The following TNFRSF11A variants were observed in gnomAD, a reference collection of about 807,000 sequenced individuals.
TNFRSF11A encodes tumor necrosis factor receptor superfamily member 11A.
In TNFRSF11A, 32 loss-of-function variants were observed where a neutral mutation model predicts 55.7. The observed-to-expected ratio is 0.57, with a 90% CI of 0.43 to 0.77. The LOEUF (loss-of-function observed/expected upper bound fraction) is 0.77. TNFRSF11A is among the 30% of genes least tolerant of loss of function. The pLI, the probability that TNFRSF11A is intolerant of heterozygous loss-of-function variation, is 0.00. For synonymous variants in TNFRSF11A, 311 were observed against 331.0 expected, an observed-to-expected ratio of 0.94 and a Z score of 0.65; for missense variants, 753 against 809.8, an observed-to-expected ratio of 0.93 and a Z score of 0.85.
At chr18:62,327,594 T>G (rs1049897835) in intron 1 of TNFRSF11A, among the ~76,000 whole-genome samples, 3 of 152,208 alleles carry the variant, frequency 2.0e-5, no homozygotes, top group Admixed American at 6.5e-5. Flanking sequence ...GCCTATTCCA[T>G]TAGCTCAAAA....
intron 4 of TNFRSF11A, among the ~76,000 whole-genome samples, chr18:62,355,676 A>G (rs1320230488): frequency 6.6e-6 from 1 of 152,250 alleles, no homozygotes; most frequent in Non-Finnish European, 1.5e-5. Context: ...ACAATTGGTC[A>G]CAAATGAATA....
At chr18:62,336,019 C>T (rs1218195779) in intron 1 of TNFRSF11A, among the ~76,000 whole-genome samples, 2 of 152,146 alleles carry the variant, frequency 1.3e-5, no homozygotes, top group South Asian at 2.1e-4. Context: ...GTGCCTGGCA[C>T]GTAGTAGATA....
chr18:62,351,298 C>T (rs1436622589), intron 3 of TNFRSF11A, among the ~76,000 whole-genome samples: 2 of 152,182 alleles, frequency 1.3e-5, no homozygotes, highest in Admixed American at 6.5e-5. Flanking sequence ...CCACAATGCC[C>T]GGCCTGACCC....
At chr18:62,346,474 G>A (rs2046385806) in intron 1 of TNFRSF11A, among the ~76,000 whole-genome samples, 1 of 152,200 alleles carries the variant, frequency 6.6e-6, no homozygotes. Context: ...TGGGCTCAAT[G>A]CAGCTTCCCT....
rs3826618 is a variant in TNFRSF11A at position 62,348,309 on chromosome 18, T to C, written c.157+60T>C. On this transcript the variant is annotated intron_variant, in intron 2 of 9. Transcript: ENST00000586569. ...TCAAAAGTGGGTGAGGCTTTCATTA[T>C]TTTTTCTGTCTGCCAGATGAAAAAA... 40,160 of 1,486,616 alleles carry C rather than the reference T, an allele frequency of 0.027. 3,237 individuals are homozygous for C. The highest frequency in any genetic ancestry group is 0.25 in the East Asian group (10,908 of 44,206). 92.1% of individuals were successfully genotyped at this position (1,486,616 alleles called of 1,614,324 possible). A position where few individuals can be genotyped will look rare whatever the true frequency, so the allele number is the denominator to read the frequency against.
intron 9 of TNFRSF11A, among the ~76,000 whole-genome samples, chr18:62,377,502 A>G (rs1910980686): frequency 6.6e-6 from 1 of 152,146 alleles, no homozygotes; most frequent in Admixed American, 6.5e-5. Flanking sequence ...TTGCATTCCC[A>G]CTAGCCAAGA....
Position 62,369,320 on chromosome 18 carries a change from C to G in TNFRSF11A, c.1403C>G (p.Pro468Arg). 6.2e-7 allele frequency: 1 copy of G among 1,610,318 alleles called. No homozygotes were observed. Among genetic ancestry groups the G allele is most frequent in the Non-Finnish European group, 8.5e-7 (1 of 1,178,272 alleles). ...EPLVGSPKRGPLPQCAYGMGL... is the reference protein window; with the variant it reads ...EPLVGSPKRGRLPQCAYGMGL... The stretch of plus-strand genomic sequence containing the variant: ...CTCGTGGGTTCCCCAAAACGTGGAC[C>G]CTTGCCCCAGTGCGCCTATGGCATG... Residue 468 changes from proline (P) to arginine (R), a missense_variant, in exon 9 of 10, where the codon CCC becomes CGC. Physicochemically the swap from Pro to Arg is moderately radical, Grantham distance 103. This residue lies in a region of TNFRSF11A where 567 missense variants were observed against 596.7 expected (regional missense o/e 0.95). Coordinates refer to ENST00000586569, the MANE Select transcript of TNFRSF11A (RefSeq NM_003839.4).
chr18:62,346,651 A>G (rs28521082), intron 1 of TNFRSF11A, among the ~76,000 whole-genome samples: 11,502 of 151,964 alleles, frequency 0.076, 574 homozygotes, highest in African/African-American at 0.13. Context: ...CCTCCTCATA[A>G]CCCCTTTGCT....
chr18:62,326,839 T>C (rs1469576245), intron 1 of TNFRSF11A, among the ~76,000 whole-genome samples: 1 of 152,228 alleles, frequency 6.6e-6, no homozygotes, highest in African/African-American at 2.4e-5. Flanking sequence ...GGAGCGAACC[T>C]TCTAGGAACC....
intron 3 of TNFRSF11A, among the ~76,000 whole-genome samples, chr18:62,351,034 G>C (rs1298728534): frequency 1.9e-5 from 2 of 107,298 alleles, no homozygotes; most frequent in African/African-American, 3.7e-5. Flanking sequence ...ATGGAGTCTT[G>C]CTCTGTCACC....
chr18:62,366,891 C>T (rs530702080), intron 8 of TNFRSF11A, 131 bp downstream of exon 8: 3 of 954,278 alleles, frequency 3.1e-6, no homozygotes, highest in Admixed American at 1.9e-5. Context: ...CTCTGTGCCT[C>T]AGGCTGGAGT....
chr18:62,345,111 C>G (rs2046364354), intron 1 of TNFRSF11A, among the ~76,000 whole-genome samples: 1 of 152,208 alleles, frequency 6.6e-6, no homozygotes, highest in African/African-American at 2.4e-5. Context: ...GGCTGCAGTG[C>G]ACAGCGCTCA....
At chr18:62,328,805 C>T (rs1003915381) in intron 1 of TNFRSF11A, among the ~76,000 whole-genome samples, 2 of 152,204 alleles carry the variant, frequency 1.3e-5, no homozygotes, top group East Asian at 3.8e-4. Flanking sequence ...ATTTCAAATG[C>T]CTCCCCTGTT....
intron 3 of TNFRSF11A, among the ~76,000 whole-genome samples, chr18:62,353,568 A>G (rs1262938052): frequency 2.0e-5 from 3 of 152,228 alleles, no homozygotes; most frequent in Non-Finnish European, 2.9e-5. Context: ...AGGACTGCAG[A>G]AGTACCAAGA....
At position 62,361,765 on chromosome 18, in the gene TNFRSF11A, C is replaced by CT; in HGVS notation, c.703dup (p.Tyr235LeufsTer2). 1 of 1,613,978 alleles carries CT rather than the reference C, an allele frequency of 6.2e-7. No homozygotes were observed. ...TGGCTGCCATCATCTTTGGCGTTTG[C>CT]TATAGGAAAAAAGGGAAAGCACTCA... On this transcript the variant is annotated frameshift_variant, in exon 7 of 10. Coordinates refer to ENST00000586569, the MANE Select transcript of TNFRSF11A (RefSeq NM_003839.4). LOFTEE classifies it high-confidence loss of function.
intron 5 of TNFRSF11A, among the ~76,000 whole-genome samples, chr18:62,359,106 C>T (rs962890625): frequency 3.3e-5 from 5 of 152,040 alleles, no homozygotes; most frequent in Non-Finnish European, 7.4e-5. Flanking sequence ...TTATTTTCTG[C>T]TGGGCATGGT....
intron 9 of TNFRSF11A, among the ~76,000 whole-genome samples, chr18:62,377,165 T>C (rs1330556951): frequency 6.6e-6 from 1 of 152,204 alleles, no homozygotes; most frequent in Non-Finnish European, 1.5e-5. Context: ...GTCGCCCGCC[T>C]CGGCCTCCCA....
Position 62,361,701 on chromosome 18 carries a change from G to T in TNFRSF11A, c.638G>T (p.Gly213Val), listed in dbSNP as rs1245171192. Reference protein sequence around the residue: ...PPNEPHVYLPGLIILLLFASV... With the variant: ...PPNEPHVYLPVLIILLLFASV... ...ACAGAACCCCATGTTTACTTGCCCGGTTTAATAATTCTGCTTCTCTTCGCG... is the reference window on the plus strand; with the variant it reads ...ACAGAACCCCATGTTTACTTGCCCGTTTTAATAATTCTGCTTCTCTTCGCG... The change falls in exon 7 of 10, where the codon GGT becomes GTT. Residue 213 changes from glycine (G) to valine (V), a missense_variant. Coordinates refer to ENST00000586569, the MANE Select transcript of TNFRSF11A (RefSeq NM_003839.4). 2.5e-6 allele frequency: 4 copies of T among 1,614,118 alleles called. No homozygotes were observed. The highest frequency in any genetic ancestry group is 1.7e-6 in the Non-Finnish European group (2 of 1,179,988).
intron 1 of TNFRSF11A, among the ~76,000 whole-genome samples, chr18:62,344,610 T>C (rs2046355862): frequency 6.6e-6 from 1 of 152,178 alleles, no homozygotes; most frequent in Admixed American, 6.5e-5. Flanking sequence ...CCTGGGGAGC[T>C]TGGTCTTGGA....
Sources: allele counts gnomAD v4.1 joint callset (sites outside exome capture counted in the v4.1 genomes callset), GRCh38; gene constraint gnomAD v4.1.1; regional missense constraint gnomAD v4.1.1; transcripts MANE v1.5; gene names NCBI Gene and HGNC (gene_info 2026-07-23, HGNC 2026-07-21).